The following NT5DC4 variants were observed in gnomAD, a reference collection of about 807,000 sequenced individuals.
The protein encoded by NT5DC4 is 5'-nucleotidase domain containing 4.
NT5DC4 carries 44 observed loss-of-function variants against 26.6 expected under a neutral mutation model. The observed-to-expected ratio is 1.65, with a 90% confidence interval of 1.30 to 2.13. The LOEUF (loss-of-function observed/expected upper bound fraction) is 2.13. NT5DC4 is among the 30% of genes most tolerant of loss of function. The probability of loss-of-function intolerance (pLI) is 0.00; values close to 1 mark genes in which losing one functional copy is unlikely to be tolerated. For missense variants in NT5DC4, 399 were observed against 228.1 expected (o/e 1.75, Z -4.83); for synonymous variants, 157 against 86.7 (o/e 1.81, Z -4.51).
In NT5DC4 at chr2:112,722,748, C is replaced by T. The variant is rs1011175880; in HGVS notation, c.504C>T (p.Phe168=). 39 of 717,688 alleles carry T rather than the reference C, an allele frequency of 5.4e-5. No individual in the cohort carries two copies. The East Asian group carries it at 9.7e-4, about 18-fold the overall frequency. The allele number at this position is 717,688 out of a possible 1,614,324, so 44.5% of individuals were successfully genotyped here. ...TCTATGCCTGCTTGGTGGACTTCTT[C>T]TCTGGCTGCTCCCGTTACACTAAGT... ...TYLYACLVDF[F]SGCSRYTNCD... Residue 168 remains phenylalanine, a synonymous_variant, in exon 6 of 17, where the codon TTC becomes TTT. Coordinates refer to ENST00000688554, the MANE Select transcript of NT5DC4 (RefSeq NM_001393655.1).
chr2:112,719,963 TTTCTTTCTTTCTTTCTTTCTTTCTTTTTC>T (rs1558715350), upstream of NT5DC4, among the ~76,000 whole-genome samples: 27 of 130,178 alleles, frequency 2.1e-4, no homozygotes, highest in Non-Finnish European at 2.4e-4. Context: ...TCTTTCTTTC[TTTCTTTCTTTCTTTCTTTCTTTCTTTTTC>T]TTTTCTTTTC....
At chr2:112,741,940 GTTTTT>G (rs57634251), downstream of NT5DC4, among the ~76,000 whole-genome samples, 5 of 71,908 alleles carry the variant, frequency 7.0e-5, no homozygotes, top group East Asian at 4.4e-4. Flanking sequence ...TTTCTTTTCT[GTTTTT>G]TTTTTTTTTT....
chr2:112,737,608 G>A (rs753185592), intron 16 of NT5DC4: 9 of 151,952 alleles, frequency 5.9e-5, no homozygotes, highest in Non-Finnish European at 1.2e-4. Flanking sequence ...GTCTCTTATT[G>A]AAAGTCTGCT....
At chr2:112,723,021 G>T in intron 6 of NT5DC4, 60 bp from the exon 7 acceptor site, 1 of 674,036 alleles carries the variant, frequency 1.5e-6, no homozygotes, top group Non-Finnish European at 2.8e-6. Context: ...TGGGACTCAG[G>T]GTTGGAGGTC....
intron 15 of NT5DC4, among the ~76,000 whole-genome samples, chr2:112,727,896 A>G (rs571332373): frequency 6.7e-6 from 1 of 149,634 alleles, no homozygotes; most frequent in Non-Finnish European, 1.5e-5. Flanking sequence ...CTGATGCGCT[A>G]TGCCGACCTC....
chr2:112,726,310 G>T lies in NT5DC4; in HGVS notation c.1205+21G>T, dbSNP rs1054411661. Reference sequence around the variant, plus strand: ...TACCAGTGAGACCCTGGCCTTTCTGGGGGTGGGATGGGGCAGGGAGAGGTA... The same window carrying T: ...TACCAGTGAGACCCTGGCCTTTCTGTGGGTGGGATGGGGCAGGGAGAGGTA... On this transcript the variant is annotated intron_variant, in intron 14 of 16. Coordinates refer to ENST00000688554, the MANE Select transcript of NT5DC4 (RefSeq NM_001393655.1). The T allele has an allele frequency of 1.4e-5, 10 of 717,152 alleles. No individual in the cohort carries two copies. In the African/African-American group the frequency reaches 1.6e-4, roughly 11 times the overall value. 44.4% of individuals were successfully genotyped at this position (717,152 alleles called of 1,614,324 possible).
intron 16 of NT5DC4, among the ~76,000 whole-genome samples, chr2:112,734,942 G>C (rs536093870): frequency 6.6e-6 from 1 of 151,840 alleles, no homozygotes; most frequent in East Asian, 1.9e-4. Flanking sequence ...TGCTCACCTC[G>C]GCCTCCCAAA....
At chr2:112,732,959 A>T (rs1678654647) in intron 16 of NT5DC4, among the ~76,000 whole-genome samples, 1 of 152,214 alleles carries the variant, frequency 6.6e-6, no homozygotes, top group Non-Finnish European at 1.5e-5. Context: ...CAGCTCCAAA[A>T]GGTAATGTCC....
intron 1 of NT5DC4, chr2:112,721,428 T>G (rs1475689364): frequency 1.4e-6 from 1 of 716,004 alleles, no homozygotes; most frequent in Admixed American, 2.0e-5. Context: ...TATCCAATTG[T>G]GACAAACACA....
rs147259235 is a variant in NT5DC4, at chr2:112,727,836, T to C, written c.1266+1098T>C. The stretch of plus-strand genomic sequence containing the variant: ...GAGCTGGACCTGTGCTACAGCACCA[T>C]GGGCAGCTTGTTCCGCTGCGGTTTC... On this transcript the variant is annotated intron_variant, in intron 15 of 16. Coordinates refer to ENST00000688554, the MANE Select transcript of NT5DC4 (RefSeq NM_001393655.1). Among the ~76,000 whole-genome samples the C allele has an allele frequency of 6.3e-3, 960 of 152,322 alleles. 3 individuals carry two copies. The highest frequency in any genetic ancestry group is 0.01 in the Middle Eastern group (3 of 294).
At chr2:112,736,396 T>C (rs768077886) in intron 16 of NT5DC4, among the ~76,000 whole-genome samples, 2 of 152,078 alleles carry the variant, frequency 1.3e-5, no homozygotes, top group Non-Finnish European at 1.5e-5. Context: ...ATTTACAACA[T>C]GATGTTATGG....
At chr2:112,738,232 CT>C (rs1290378151) in intron 16 of NT5DC4, 8 of 152,358 alleles carry the variant, frequency 5.3e-5, no homozygotes, top group African/African-American at 1.9e-4. Context: ...TGTGTTTCAT[CT>C]GAGGAGACCT....
chr2:112,738,372 T>G (rs1679529134), intron 16 of NT5DC4: 1 of 162,002 alleles, frequency 6.2e-6, no homozygotes. Flanking sequence ...AATGAGGGGT[T>G]TTGACTTGGC....
intron 16 of NT5DC4, chr2:112,731,346 A>G (rs1242018905): frequency 6.6e-6 from 1 of 152,128 alleles, no homozygotes; most frequent in Admixed American, 6.5e-5. Context: ...AAACGTGTGC[A>G]CAAGTGAAAT....
At position 112,721,774 on chromosome 2, in the gene NT5DC4, G is replaced by C. The variant is rs1242611604; in HGVS notation, c.75-44G>C. Reference sequence around the variant, plus strand: ...CTCTGTCCTTGGGCCTTGGATTCTGGGGGGCTGGTGGACTGATGCCAACAT... The same window carrying C: ...CTCTGTCCTTGGGCCTTGGATTCTGCGGGGCTGGTGGACTGATGCCAACAT... On this transcript the variant is annotated intron_variant, in intron 1 of 16. Coordinates refer to ENST00000688554, the MANE Select transcript of NT5DC4 (RefSeq NM_001393655.1). The C allele has an allele frequency of 5.6e-6, 4 of 716,948 alleles. No homozygotes were observed. The Admixed American group carries it at 8.0e-5, about 14-fold the overall frequency. The allele number at this position is 716,948 out of a possible 1,614,324, so 44.4% of individuals were successfully genotyped here.
At chr2:112,719,993 T>TTTCTTTC (rs1676742260), upstream of NT5DC4, among the ~76,000 whole-genome samples, 1 of 105,856 alleles carries the variant, frequency 9.4e-6, no homozygotes, top group African/African-American at 4.2e-5. Context: ...TTTCTTTTTC[T>TTTCTTTC]TTTCTTTTCT....
chr2:112,736,815 G>T (rs185297506), intron 16 of NT5DC4: 2 of 152,146 alleles, frequency 1.3e-5, no homozygotes, highest in Non-Finnish European at 2.9e-5. Flanking sequence ...TGCATATGCC[G>T]TATTTTCTTT....
At chr2:112,724,293 G>A in intron 10 of NT5DC4, 167 bp downstream of exon 10, 1 of 647,880 alleles carries the variant, frequency 1.5e-6, no homozygotes, top group Non-Finnish European at 2.8e-6. Flanking sequence ...CCAGTGGGTA[G>A]GAGCCTGGTG....
upstream of NT5DC4, among the ~76,000 whole-genome samples, chr2:112,720,563 C>A (rs767085089): frequency 6.6e-6 from 1 of 152,218 alleles, no homozygotes; most frequent in Non-Finnish European, 1.5e-5. Flanking sequence ...GCCACCCCCC[C>A]ATTCTGAGAT....
Sources: gnomAD v4.1 joint callset for allele counts (sites outside exome capture counted in the v4.1 genomes callset) on GRCh38, gnomAD v4.1.1 for gene constraint, MANE v1.5 for transcripts, NCBI Gene and HGNC (gene_info 2026-07-23, HGNC 2026-07-21) for gene names.